Variants in ECE1 observed in about 807,000 individuals in gnomAD.
ECE1 encodes endothelin-converting enzyme 1.
Under a neutral mutation model 98.6 loss-of-function variants are expected in ECE1, and 35 were observed. That is an observed-to-expected ratio of 0.35 (90% CI 0.27 to 0.47). The LOEUF is 0.47. Ranked by LOEUF, ECE1 falls within the 20% of genes least tolerant of loss-of-function variation. The probability of loss-of-function intolerance (pLI) is 1.00; values close to 1 mark genes in which losing one functional copy is unlikely to be tolerated. For missense variants in ECE1, 814 were observed against 1,025.3 expected (o/e 0.79, Z 2.81); for synonymous variants, 394 against 407.1 (o/e 0.97, Z 0.39).
rs1558372363 is a variant in ECE1, at chr1:21,233,414, G to C, written c.1670+144C>G. ...CTTGGTTTCTTCATCTGAAAAGTGG[G>C]ATAACAAGGGCATCCACTCTTCAGA... On this transcript the variant is annotated intron_variant, in intron 14 of 18. Transcript: ENST00000374893. The surrounding 1 kb of genome is among the most constrained non-coding windows in gnomAD (Gnocchi z 4.0). The C allele has an allele frequency of 1.5e-6, 1 of 683,112 alleles. No individual in the cohort carries two copies. The highest frequency in any genetic ancestry group is 2.4e-6 in the Non-Finnish European group (1 of 408,294). The allele number at this position is 683,112 out of a possible 1,614,324, so 42.3% of individuals were successfully genotyped here.
At chr1:21,296,164 C>A (rs1259805242) in intron 1 of ECE1, among the ~76,000 whole-genome samples, 2 of 151,998 alleles carry the variant, frequency 1.3e-5, no homozygotes, top group Non-Finnish European at 2.9e-5. Flanking sequence ...ACAGATTGCC[C>A]AGGTGATGGA....
At chr1:21,238,061 T>A in intron 11 of ECE1, 73 bp downstream of exon 11, 1 of 1,398,172 alleles carries the variant, frequency 7.2e-7, no homozygotes, top group Non-Finnish European at 1.0e-6. Flanking sequence ...TGGGCTGGAG[T>A]GTGAACTGGC....
At chr1:21,281,098 G>A (rs1437677675) in intron 2 of ECE1, among the ~76,000 whole-genome samples, 1 of 152,198 alleles carries the variant, frequency 6.6e-6, no homozygotes, top group Non-Finnish European at 1.5e-5. Flanking sequence ...GCTGAGGCAG[G>A]AGAATCGCTT....
In ECE1 at chr1:21,260,017, C is replaced by CA. The variant is rs1284756003; in HGVS notation, c.615+253dup. ...CACAGAGAGACACACAGACAGATGA[C>CA]AGACATCTACAACAGATGCTGACAC... On this transcript the variant is annotated intron_variant, in intron 5 of 18. Transcript: ENST00000374893. The surrounding 1 kb of genome is among the most constrained non-coding windows in gnomAD (Gnocchi z 4.3). Among the ~76,000 whole-genome samples the CA allele has an allele frequency of 6.6e-6, 1 of 152,240 alleles. No individual in the cohort carries two copies. The highest frequency in any genetic ancestry group is 1.5e-5 in the Non-Finnish European group (1 of 68,046).
Position 21,225,233 on chromosome 1 carries a change from G to A in ECE1, c.2040+17C>T, listed in dbSNP as rs2098172464. The A allele has an allele frequency of 1.2e-6, 2 of 1,613,668 alleles. No homozygotes were observed. The highest frequency in any genetic ancestry group is 1.7e-6 in the Non-Finnish European group (2 of 1,179,958). On this transcript the variant is annotated intron_variant, in intron 17 of 18. Transcript: ENST00000374893. The surrounding 1 kb of genome is among the most constrained non-coding windows in gnomAD (Gnocchi z 5.3). ...CCAGCACTGGGACCGTGCGCGTGTG[G>A]GGAGCGGGGCTCTCACCCGATAGGC... is the stretch of plus-strand genomic sequence containing the variant.
Position 21,221,798 on chromosome 1 carries a change from G to A in ECE1, c.2085C>T (p.Leu695=), listed in dbSNP as rs201559694. 2.4e-5 allele frequency: 39 copies of A among 1,614,120 alleles called. No individual in the cohort carries two copies. The highest frequency in any genetic ancestry group is 6.7e-5 in the Admixed American group (4 of 60,006). Residue 695 remains leucine, a synonymous_variant, in exon 18 of 19, where the codon CTC becomes CTT. Transcript: ENST00000374893. ...WVKKNGAEHS[L]PTLGLTNNQL... ...GGTTATTGGTGAGGCCCAGGGTGGG[G>A]AGCGAGTGCTCAGCCCCGTTCTTCT...
chr1:21,236,353 G>C (rs1010180372), intron 12 of ECE1, among the ~76,000 whole-genome samples: 1 of 152,260 alleles, frequency 6.6e-6, no homozygotes, highest in Non-Finnish European at 1.5e-5. Flanking sequence ...CTGTGCTGCC[G>C]GACAGAACTG....
chr1:21,344,297 G>A (rs997221944), intron 1 of ECE1, among the ~76,000 whole-genome samples: 4 of 152,190 alleles, frequency 2.6e-5, no homozygotes, highest in Non-Finnish European at 4.4e-5. Context: ...GGGCTTGGCA[G>A]CATCATCACA....
chr1:21,303,392 A>G (rs957231843), intron 1 of ECE1, among the ~76,000 whole-genome samples: 2 of 152,216 alleles, frequency 1.3e-5, no homozygotes, highest in Non-Finnish European at 2.9e-5. Flanking sequence ...CTCACTCCAT[A>G]ACCTTGGGCA....
rs756108182 is a variant in ECE1, at chr1:21,307,427, C to T, written c.4-17271G>A. ...GTGAGGGTGGCAGTGGCTTCCTTGC[C>T]GGGGGTTATGAGCATCTAGTGAGAC... On this transcript the variant is annotated intron_variant, in intron 1 of 18. Transcript: ENST00000415912. The surrounding 1 kb of genome is among the most constrained non-coding windows in gnomAD (Gnocchi z 4.2). 2.6e-5 allele frequency among the ~76,000 whole-genome samples: 4 copies of T among 152,146 alleles called. No individual in the cohort carries two copies. The highest frequency in any genetic ancestry group is 1.9e-4 in the East Asian group (1 of 5,154).
At position 21,236,967 on chromosome 1, in the gene ECE1, T is replaced by C. The variant is rs1573945806; in HGVS notation, c.1390-123A>G. The C allele has an allele frequency of 6.3e-6, 6 of 953,220 alleles. No individual in the cohort carries two copies. In the East Asian group the frequency reaches 1.2e-4, roughly 19 times the overall value. 59.0% of individuals were successfully genotyped at this position (953,220 alleles called of 1,614,324 possible). On this transcript the variant is annotated intron_variant, in intron 11 of 18. Coordinates refer to ENST00000374893, the MANE Select transcript of ECE1 (RefSeq NM_001397.3). ...TCAATTTTCCAAGCGTCAGGCTGGG[T>C]GAGAAGGGGAGCCACAGCTGTGCTT... is the stretch of plus-strand genomic sequence containing the variant.
At chr1:21,292,715 G>T (rs1201371837), upstream of ECE1, among the ~76,000 whole-genome samples, 1 of 152,194 alleles carries the variant, frequency 6.6e-6, no homozygotes, top group Admixed American at 6.5e-5. Flanking sequence ...ACAAGTAGAG[G>T]GGAAGTGCCT....
At chr1:21,296,533 G>C (rs1257382688) in intron 1 of ECE1, among the ~76,000 whole-genome samples, 5 of 151,986 alleles carry the variant, frequency 3.3e-5, no homozygotes, top group Non-Finnish European at 7.4e-5. Flanking sequence ...AAAAGAGAGA[G>C]AAATAAAATA....
intron 4 of ECE1, among the ~76,000 whole-genome samples, chr1:21,262,735 GAGA>G (rs562434695): frequency 6.6e-6 from 1 of 152,226 alleles, no homozygotes; most frequent in Non-Finnish European, 1.5e-5. Flanking sequence ...CACCGGGAGG[GAGA>G]AGGAATGCCT....
At chr1:21,254,842 C>T (rs2098217877) in intron 8 of ECE1, among the ~76,000 whole-genome samples, 2 of 152,160 alleles carry the variant, frequency 1.3e-5, no homozygotes, top group Non-Finnish European at 2.9e-5. Context: ...CAGCAGGAGG[C>T]CAGGCTCCCC....
chr1:21,221,212 C>T (rs774902291), intron 18 of ECE1, among the ~76,000 whole-genome samples: 4 of 152,148 alleles, frequency 2.6e-5, no homozygotes, highest in Admixed American at 1.3e-4. Flanking sequence ...CTATGTTGCC[C>T]GGGCTGGAGT....
At chr1:21,227,269 A>T in intron 15 of ECE1, 43 bp from the exon 16 acceptor site, 1 of 1,561,162 alleles carries the variant, frequency 6.4e-7, no homozygotes, top group Non-Finnish European at 8.8e-7. Flanking sequence ...CTTTGAGAGG[A>T]GGGCCTCTCA....
chr1:21,335,112 C>T (rs537786688), intron 1 of ECE1, among the ~76,000 whole-genome samples: 155 of 152,220 alleles, frequency 1.0e-3, no homozygotes, highest in African/African-American at 3.5e-3. Flanking sequence ...GCCACACCAG[C>T]GTTCACCCCC....
At chr1:21,280,062 A>T (rs1251535617) in intron 2 of ECE1, 1 of 152,396 alleles carries the variant, frequency 6.6e-6, no homozygotes, top group Non-Finnish European at 1.5e-5. Context: ...CTAACAGTCT[A>T]GCTAAACAGG....
Sources: gnomAD v4.1 joint callset for allele counts (sites outside exome capture counted in the v4.1 genomes callset) on GRCh38, gnomAD v4.1.1 for gene constraint, Gnocchi (gnomAD v3.1) non-coding constraint, MANE v1.5 for transcripts, NCBI Gene and HGNC (gene_info 2026-07-23, HGNC 2026-07-21) for gene names.